KCNQ3: variants seen among roughly 807,000 people sequenced by gnomAD.
KCNQ3 encodes the protein potassium voltage-gated channel subfamily Q member 3.
A neutral mutation model predicts 92.5 loss-of-function variants in KCNQ3; 30 were observed. That is an observed-to-expected ratio of 0.32 (90% confidence interval 0.24 to 0.44). The LOEUF (loss-of-function observed/expected upper bound fraction) is 0.44, where lower values mean the gene tolerates loss of function less well. Among genes scored for constraint, KCNQ3 ranks in the 20% least tolerant of loss-of-function variants. KCNQ3 has a pLI of 1.00. For missense variants in KCNQ3, 913 were observed against 1,140.3 expected, an observed-to-expected ratio of 0.80 and a Z score of 2.87; for synonymous variants, 450 against 468.8, an observed-to-expected ratio of 0.96 and a Z score of 0.52.
At chr8:132,136,235 T>C (rs1178927907) in intron 12 of KCNQ3, among the ~76,000 whole-genome samples, 1 of 151,292 alleles carries the variant, frequency 6.6e-6, no homozygotes, top group African/African-American at 2.4e-5. Context: ...GTTCCTGTTC[T>C]CTAGCAGGAC....
At chr8:132,450,204 C>T (rs1043848726) in intron 1 of KCNQ3, among the ~76,000 whole-genome samples, 5 of 152,120 alleles carry the variant, frequency 3.3e-5, no homozygotes, top group Non-Finnish European at 5.9e-5. Context: ...CTTATTTGTC[C>T]CCACCCATGT....
intron 1 of KCNQ3, among the ~76,000 whole-genome samples, chr8:132,439,477 C>A (rs552467678): frequency 6.6e-6 from 1 of 152,174 alleles, no homozygotes; most frequent in South Asian, 2.1e-4. Context: ...CATGTTTTAA[C>A]CCCCAGAATC....
chr8:132,447,155 G>C (rs1237612113), intron 1 of KCNQ3: 1 of 1,485,118 alleles, frequency 6.7e-7, no homozygotes, highest in Non-Finnish European at 9.1e-7. Flanking sequence ...GTCCATCTTA[G>C]GATGCTCTGT....
intron 1 of KCNQ3, among the ~76,000 whole-genome samples, chr8:132,296,428 T>C (rs1021250096): frequency 6.6e-6 from 1 of 152,198 alleles, no homozygotes; most frequent in African/African-American, 2.4e-5. Flanking sequence ...TTAGGGTACA[T>C]GTGCACAATG....
chr8:132,187,849 G>A lies in KCNQ3; in HGVS notation c.387-1668C>T, dbSNP rs991354316. ...GGTGGTGATTGTGGTGGTGGTGGTG[G>A]TAGTGATGGTGGTGGTGGTGGTGAT... On this transcript the variant is annotated intron_variant, in intron 1 of 14. Coordinates refer to ENST00000388996, the MANE Select transcript of KCNQ3 (RefSeq NM_004519.4). 2.4e-3 allele frequency among the ~76,000 whole-genome samples: 239 copies of A among 101,468 alleles called. 4 individuals are homozygous for A. The highest frequency in any genetic ancestry group is 8.0e-3 in the African/African-American group (156 of 19,454). 66.6% of individuals were successfully genotyped at this position (101,468 alleles called of 152,430 possible). A position where few individuals can be genotyped will look rare whatever the true frequency, so the allele number is the denominator to read the frequency against.
chr8:132,466,831 A>G (rs933388708), intron 1 of KCNQ3, among the ~76,000 whole-genome samples: 6 of 152,212 alleles, frequency 3.9e-5, no homozygotes, highest in Non-Finnish European at 8.8e-5. Flanking sequence ...TACACAGTGT[A>G]TCAGTACTAT....
chr8:132,391,892 G>A (rs1321856777), intron 1 of KCNQ3, among the ~76,000 whole-genome samples: 1 of 152,116 alleles, frequency 6.6e-6, no homozygotes, highest in Non-Finnish European at 1.5e-5. Context: ...GGGTGGGTAT[G>A]GACACGGTGT....
chr8:132,400,277 A>G (rs1425366994), intron 1 of KCNQ3, among the ~76,000 whole-genome samples: 1 of 152,200 alleles, frequency 6.6e-6, no homozygotes, highest in Non-Finnish European at 1.5e-5. Flanking sequence ...CACTTCTAAC[A>G]TTACCTGACA....
chr8:132,239,916 T>G lies in KCNQ3; in HGVS notation c.387-53735A>C, dbSNP rs112272708. ...GACACAAAGTAGATAATCAAATGTA[T>G]GTCAGCTTTGCTATCTTCCATTTCA... On this transcript the variant is annotated intron_variant, in intron 1 of 14. Coordinates refer to ENST00000388996, the MANE Select transcript of KCNQ3 (RefSeq NM_004519.4). Among the ~76,000 whole-genome samples, 1,265 of 152,344 alleles carry G rather than the reference T, an allele frequency of 8.3e-3. 19 individuals carry two copies. The highest frequency in any genetic ancestry group is 0.026 in the African/African-American group (1,099 of 41,584).
intron 1 of KCNQ3, among the ~76,000 whole-genome samples, chr8:132,382,104 G>A (rs1819767743): frequency 6.6e-6 from 1 of 152,246 alleles, no homozygotes; most frequent in Admixed American, 6.5e-5. Context: ...CTGTAATACA[G>A]TTTTAAGTCT....
intron 1 of KCNQ3, among the ~76,000 whole-genome samples, chr8:132,395,761 C>A (rs547441411): frequency 6.6e-6 from 1 of 152,332 alleles, no homozygotes; most frequent in African/African-American, 2.4e-5. Context: ...AGGCATTGGG[C>A]TCATCCCCAT....
intron 1 of KCNQ3, among the ~76,000 whole-genome samples, chr8:132,260,965 T>C (rs190950235): frequency 2.0e-4 from 30 of 152,292 alleles, no homozygotes; most frequent in African/African-American, 5.5e-4. Flanking sequence ...TAAAATTCCC[T>C]CTTTTAAAGT....
chr8:132,388,926 G>A (rs912328385), intron 1 of KCNQ3, among the ~76,000 whole-genome samples: 9 of 152,058 alleles, frequency 5.9e-5, no homozygotes, highest in Non-Finnish European at 1.0e-4. Flanking sequence ...CTTAAATACC[G>A]ACACATACAT....
intron 1 of KCNQ3, among the ~76,000 whole-genome samples, chr8:132,324,922 A>C (rs1004899281): frequency 6.6e-6 from 1 of 151,910 alleles, no homozygotes; most frequent in Non-Finnish European, 1.5e-5. Context: ...TGTGTGAAGC[A>C]AAGTTAGAGG....
chr8:132,135,490 T>C (rs1402561036), intron 12 of KCNQ3, among the ~76,000 whole-genome samples: 1 of 152,020 alleles, frequency 6.6e-6, no homozygotes, highest in Non-Finnish European at 1.5e-5. Context: ...GCACTTTCTT[T>C]CTCTCTTGCC....
chr8:132,445,827 C>T (rs1215138010), intron 1 of KCNQ3, among the ~76,000 whole-genome samples: 2 of 152,196 alleles, frequency 1.3e-5, no homozygotes, highest in Non-Finnish European at 1.5e-5. Flanking sequence ...CAGAACTGGG[C>T]TAGGTCATAC....
intron 1 of KCNQ3, among the ~76,000 whole-genome samples, chr8:132,284,800 G>A (rs946613321): frequency 6.6e-6 from 1 of 152,196 alleles, no homozygotes; most frequent in Non-Finnish European, 1.5e-5. Context: ...CCGTTAAGGG[G>A]TGACTAGGTC....
intron 1 of KCNQ3, among the ~76,000 whole-genome samples, chr8:132,395,698 T>C (rs1007994310): frequency 2.6e-5 from 4 of 152,250 alleles, no homozygotes; most frequent in Non-Finnish European, 1.5e-5. Flanking sequence ...TACAATGATA[T>C]GCCTGGAGCT....
chr8:132,450,992 CT>C (rs1203815989), intron 1 of KCNQ3, among the ~76,000 whole-genome samples: 5 of 152,198 alleles, frequency 3.3e-5, no homozygotes, highest in African/African-American at 1.2e-4. Flanking sequence ...TTCTGAAGAG[CT>C]TTTACTCATC....
Sources: gnomAD v4.1 joint callset for allele counts (sites outside exome capture counted in the v4.1 genomes callset) on GRCh38, gnomAD v4.1.1 for gene constraint, MANE v1.5 for transcripts, NCBI Gene and HGNC (gene_info 2026-07-23, HGNC 2026-07-21) for gene names.